The following GALNT8 variants were observed in gnomAD, a reference collection of about 807,000 sequenced individuals.
GALNT8 encodes polypeptide N-acetylgalactosaminyltransferase 8, also known as probable polypeptide N-acetylgalactosaminyltransferase 8.
Under a neutral mutation model 62.7 loss-of-function variants are expected in GALNT8, and 66 were observed. The ratio of observed to expected loss-of-function variants is 1.05; its 90% confidence interval spans 0.86 to 1.29. GALNT8 has a LOEUF of 1.29. GALNT8 is among the 50% of genes most tolerant of loss of function. GALNT8 has a pLI of 0.00. For missense variants in GALNT8, 771 were observed against 791.8 expected, an observed-to-expected ratio of 0.97 and a Z score of 0.32; for synonymous variants, 288 against 294.3, an observed-to-expected ratio of 0.98 and a Z score of 0.22.
intron 3 of GALNT8, among the ~76,000 whole-genome samples, chr12:4,740,409 C>T (rs112936616): frequency 1.3e-5 from 2 of 151,944 alleles, no homozygotes; most frequent in South Asian, 2.1e-4. Context: ...GTTCTAAGCA[C>T]CTTACGTGTG....
At chr12:4,741,292 A>G (rs897266388) in intron 3 of GALNT8, among the ~76,000 whole-genome samples, 1 of 152,196 alleles carries the variant, frequency 6.6e-6, no homozygotes, top group African/African-American at 2.4e-5. Context: ...AAAAAATAAG[A>G]AGGTACAATT....
chr12:4,752,438 G>C (rs189898338), intron 6 of GALNT8, among the ~76,000 whole-genome samples: 59 of 147,878 alleles, frequency 4.0e-4, no homozygotes, highest in African/African-American at 1.2e-3. Flanking sequence ...TTTTTGGTTT[G>C]GGGTTTTCAT....
At chr12:4,731,568 T>A (rs1406044938) in intron 2 of GALNT8, among the ~76,000 whole-genome samples, 1 of 152,198 alleles carries the variant, frequency 6.6e-6, no homozygotes, top group Non-Finnish European at 1.5e-5. Context: ...TTCCTGACCT[T>A]AGAGGAAAAG....
intron 6 of GALNT8, among the ~76,000 whole-genome samples, chr12:4,747,165 A>G (rs539289402): frequency 6.6e-6 from 1 of 152,240 alleles, no homozygotes; most frequent in East Asian, 1.9e-4. Context: ...TAATCATGTC[A>G]TAGAGAATGG....
At chr12:4,738,850 G>A (rs1946257376) in intron 2 of GALNT8, among the ~76,000 whole-genome samples, 1 of 152,122 alleles carries the variant, frequency 6.6e-6, no homozygotes, top group South Asian at 2.1e-4. Flanking sequence ...ACAAGAAGAA[G>A]GCTGCCAGCA....
At chr12:4,752,760 C>T (rs923529173) in intron 6 of GALNT8, among the ~76,000 whole-genome samples, 3 of 152,110 alleles carry the variant, frequency 2.0e-5, no homozygotes, top group Non-Finnish European at 4.4e-5. Context: ...CTGACTATCA[C>T]CAGTGAATTT....
intron 6 of GALNT8, among the ~76,000 whole-genome samples, chr12:4,750,332 C>T (rs998945876): frequency 6.6e-6 from 1 of 151,256 alleles, no homozygotes; most frequent in Non-Finnish European, 1.5e-5. Flanking sequence ...TCTTCTCCCT[C>T]CTCCCACCCT....
At chr12:4,761,732 CCTT>C (rs1946373933) in intron 7 of GALNT8, among the ~76,000 whole-genome samples, 1 of 152,088 alleles carries the variant, frequency 6.6e-6, no homozygotes, top group South Asian at 2.1e-4. Context: ...CCAAGGTTGG[CCTT>C]CTGAGCTAAG....
intron 6 of GALNT8, among the ~76,000 whole-genome samples, chr12:4,748,608 GT>G (rs200624445): frequency 0.038 from 5,757 of 152,166 alleles, 170 homozygotes; most frequent in Middle Eastern, 0.065. Context: ...GTACCATGCT[GT>G]TTTGGTTACT....
intron 2 of GALNT8, among the ~76,000 whole-genome samples, chr12:4,734,973 C>G (rs1372869340): frequency 6.6e-6 from 1 of 152,206 alleles, no homozygotes; most frequent in Non-Finnish European, 1.5e-5. Context: ...AACGGGTGAA[C>G]AGTGAGCTAC....
intron 5 of GALNT8, 123 bp downstream of exon 5, chr12:4,745,749 G>C: frequency 7.0e-6 from 5 of 713,408 alleles, no homozygotes; most frequent in Non-Finnish European, 9.9e-6. Flanking sequence ...AGGGGATGAG[G>C]TGAAGGACAA....
intron 8 of GALNT8, among the ~76,000 whole-genome samples, chr12:4,763,728 T>G (rs1349665257): frequency 1.4e-5 from 2 of 139,556 alleles, no homozygotes; most frequent in Non-Finnish European, 3.0e-5. Flanking sequence ...TGGGCTGAGG[T>G]GATGGGTGTT....
At chr12:4,734,965 C>T (rs1388504101) in intron 2 of GALNT8, among the ~76,000 whole-genome samples, 15 of 152,210 alleles carry the variant, frequency 9.9e-5, no homozygotes, top group African/African-American at 3.1e-4. Flanking sequence ...CGATGGTGAA[C>T]GGGTGAACAG....
chr12:4,746,626 A>G (rs1325876195), intron 6 of GALNT8, among the ~76,000 whole-genome samples: 2 of 152,176 alleles, frequency 1.3e-5, no homozygotes, highest in Non-Finnish European at 2.9e-5. Context: ...GGGCAGCGTG[A>G]CTAGGGAATG....
intron 1 of GALNT8, among the ~76,000 whole-genome samples, chr12:4,725,680 C>T (rs1021438047): frequency 4.6e-5 from 7 of 151,676 alleles, no homozygotes; most frequent in Admixed American, 2.0e-4. Flanking sequence ...CTCAGCCTCC[C>T]GAGTAGCTGA....
At chr12:4,771,967 G>A (rs1946426654) in intron 10 of GALNT8, among the ~76,000 whole-genome samples, 1 of 152,182 alleles carries the variant, frequency 6.6e-6, no homozygotes, top group Non-Finnish European at 1.5e-5. Flanking sequence ...CAATAGGAGA[G>A]GCGGGAAGCT....
Position 4,726,726 on chromosome 12 carries a change from C to T in GALNT8, c.406C>T (p.Gln136Ter). The change falls in exon 2 of 11, where the codon CAG (glutamine) becomes TAG (stop). Residue 136 changes from glutamine (Q) to a stop codon, truncating the protein, a stop_gained. Transcript: ENST00000252318. LOFTEE classifies it high-confidence loss of function. This position sits in a 1 kb window ranked among gnomAD's most constrained non-coding sequence, Gnocchi z 4.1. ...ATGGGGCGAGGATCTTTCTGAGGCCCAGCAGAAGGCGGCCCAGGACCTCTT... is the reference window on the plus strand; with the variant it reads ...ATGGGGCGAGGATCTTTCTGAGGCCTAGCAGAAGGCGGCCCAGGACCTCTT... ...RQWGEDLSEA[Q>*]QKAAQDLFRK... 1 of 1,614,044 alleles carries T rather than the reference C, an allele frequency of 6.2e-7. No homozygotes were observed. Among genetic ancestry groups the T allele is most frequent in the Non-Finnish European group, 8.5e-7 (1 of 1,179,982 alleles).
chr12:4,755,845 A>G (rs1946342203), intron 6 of GALNT8, among the ~76,000 whole-genome samples: 1 of 152,236 alleles, frequency 6.6e-6, no homozygotes, highest in South Asian at 2.1e-4. Flanking sequence ...TTAAAGCAGC[A>G]ATAATCAATT....
intron 3 of GALNT8, among the ~76,000 whole-genome samples, chr12:4,742,573 G>T (rs1357849974): frequency 1.3e-5 from 2 of 152,184 alleles, no homozygotes; most frequent in Admixed American, 1.3e-4. Flanking sequence ...GTGACAAACC[G>T]AGTGAACCGT....
Sources: allele counts gnomAD v4.1 joint callset (sites outside exome capture counted in the v4.1 genomes callset), GRCh38; gene constraint gnomAD v4.1.1; non-coding constraint Gnocchi (gnomAD v3.1); transcripts MANE v1.5; gene names NCBI Gene and HGNC (gene_info 2026-07-23, HGNC 2026-07-21).